Variants in ZNF292 observed in about 807,000 individuals in gnomAD.
ZNF292 encodes the protein 16 zinc-finger domain protein.
A neutral mutation model predicts 217.9 loss-of-function variants in ZNF292; 26 were observed. The ratio of observed to expected loss-of-function variants is 0.12; its 90% CI spans 0.09 to 0.17. ZNF292 has a LOEUF of 0.17. ZNF292 is among the 10% of genes least tolerant of loss of function. ZNF292 has a pLI of 1.00. For synonymous variants in ZNF292, 1,257 were observed against 1,124.1 expected, an observed-to-expected ratio of 1.12 and a Z score of -2.37; for missense variants, 2,904 against 3,175.2, an observed-to-expected ratio of 0.91 and a Z score of 2.05.
intron 1 of ZNF292, among the ~76,000 whole-genome samples, chr6:87,199,687 G>A (rs569369109): frequency 1.2e-4 from 18 of 152,190 alleles, no homozygotes; most frequent in Admixed American, 3.9e-4. Context: ...CATTTCCTGC[G>A]CTGAGAATGG....
chr6:87,185,964 A>T (rs1374698858), intron 1 of ZNF292, among the ~76,000 whole-genome samples: 2 of 152,146 alleles, frequency 1.3e-5, no homozygotes, highest in Non-Finnish European at 2.9e-5. Flanking sequence ...GAAATTCCTG[A>T]ACCTAGTCCT....
chr6:87,176,405 G>A (rs1771294293), intron 1 of ZNF292, among the ~76,000 whole-genome samples: 1 of 152,190 alleles, frequency 6.6e-6, no homozygotes, highest in Non-Finnish European at 1.5e-5. Context: ...TGTTTTCAGA[G>A]ATAAGGACAT....
chr6:87,191,929 T>C (rs1771832746), intron 1 of ZNF292, among the ~76,000 whole-genome samples: 1 of 152,202 alleles, frequency 6.6e-6, no homozygotes, highest in Non-Finnish European at 1.5e-5. Flanking sequence ...CCCAAAGTGC[T>C]GGGATTACAG....
intron 1 of ZNF292, among the ~76,000 whole-genome samples, chr6:87,210,553 G>A (rs1014066037): frequency 2.6e-5 from 4 of 151,748 alleles, no homozygotes; most frequent in African/African-American, 7.3e-5. Context: ...AGGCTGAAGC[G>A]GGCGGATCAC....
At chr6:87,239,133 C>G (rs1309883906) in intron 5 of ZNF292, among the ~76,000 whole-genome samples, 11 of 152,404 alleles carry the variant, frequency 7.2e-5, no homozygotes, top group Admixed American at 1.3e-4. Flanking sequence ...CCCACATTTC[C>G]CCCTTTTCTA....
chr6:87,166,177 TC>T (rs1279092302), intron 1 of ZNF292, among the ~76,000 whole-genome samples: 1 of 152,222 alleles, frequency 6.6e-6, no homozygotes, highest in Non-Finnish European at 1.5e-5. Flanking sequence ...CATTGCGCTC[TC>T]CCTCCATTGT....
At chr6:87,244,115 G>T (rs1418731691) in intron 6 of ZNF292, among the ~76,000 whole-genome samples, 1 of 152,142 alleles carries the variant, frequency 6.6e-6, no homozygotes, top group African/African-American at 2.4e-5. Flanking sequence ...CTTCAGTGTT[G>T]TGTTGATATT....
intron 1 of ZNF292, among the ~76,000 whole-genome samples, chr6:87,190,234 A>G (rs1439030835): frequency 6.6e-6 from 1 of 152,212 alleles, no homozygotes; most frequent in Admixed American, 6.5e-5. Context: ...AATACCACGT[A>G]ATAACTAACA....
chr6:87,259,281 G>A lies in ZNF292; in HGVS notation c.5652G>A (p.Gln1884=), dbSNP rs751621852. 1 of 1,613,592 alleles carries A rather than the reference G, an allele frequency of 6.2e-7. No homozygotes were observed. The highest frequency in any genetic ancestry group is 8.5e-7 in the Non-Finnish European group (1 of 1,179,670). The change falls in exon 8 of 8, where the codon CAG becomes CAA. Residue 1884 remains glutamine (Q), a synonymous_variant. Coordinates refer to ENST00000369577, the MANE Select transcript of ZNF292 (RefSeq NM_015021.3). ...VKSTADITVI[Q]PVSEMINIQF... is the part of the protein sequence containing the mutation. Reference sequence around the variant, plus strand: ...CAACTGCAGATATCACAGTTATTCAGCCAGTTTCTGAAATGATAAACATTC... The same window carrying A: ...CAACTGCAGATATCACAGTTATTCAACCAGTTTCTGAAATGATAAACATTC...
In ZNF292 at chr6:87,255,405, TAAAC is replaced by T. The variant is rs1775154195; in HGVS notation, c.1779_1782del (p.Lys593AsnfsTer7). 6.2e-7 allele frequency: 1 copy of T among 1,613,700 alleles called. No individual in the cohort carries two copies. Among genetic ancestry groups the T allele is most frequent in the African/African-American group, 1.3e-5 (1 of 74,942 alleles). ...TTGTCCCTCATGTCACACTGCATGT[TAAAC>T]AATCTAGTAAAGAGAGACTAGCAGC... On this transcript the variant is annotated frameshift_variant, in exon 8 of 8. Coordinates refer to ENST00000369577, the MANE Select transcript of ZNF292 (RefSeq NM_015021.3). LOFTEE classifies it high-confidence loss of function.
chr6:87,258,860 T>C lies in ZNF292; in HGVS notation c.5231T>C (p.Leu1744Ser), dbSNP rs1383842014. The change falls in exon 8 of 8, where the codon TTG becomes TCG. Residue 1744 changes from leucine to serine, a missense_variant. Physicochemically the swap from Leu to Ser is moderately radical, Grantham distance 145 (BLOSUM62 -2). This residue lies in a region of ZNF292 where 622 missense variants were observed against 573.1 expected (regional missense o/e 1.09). Coordinates refer to ENST00000369577, the MANE Select transcript of ZNF292 (RefSeq NM_015021.3). ...NSCTTSINSD[L>S]QISEDNVIQN... ...TGCACAACTTCAATAAATTCTGATT[T>C]GCAGATTTCTGAAGACAATGTTATA... The C allele has an allele frequency of 6.2e-6, 10 of 1,609,484 alleles. No homozygotes were observed. Among genetic ancestry groups the C allele is most frequent in the Non-Finnish European group, 7.6e-6 (9 of 1,177,452 alleles).
intron 1 of ZNF292, among the ~76,000 whole-genome samples, chr6:87,192,809 G>A (rs1771857184): frequency 1.3e-5 from 2 of 151,892 alleles, no homozygotes; most frequent in Non-Finnish European, 1.5e-5. Context: ...ACTTTTTTGT[G>A]AGATCTTGAC....
chr6:87,244,962 C>T (rs1250063008), intron 6 of ZNF292, among the ~76,000 whole-genome samples: 1 of 152,020 alleles, frequency 6.6e-6, no homozygotes, highest in African/African-American at 2.4e-5. Flanking sequence ...AAATGCTGGC[C>T]GGGCACAGTG....
rs571096307 is a variant in ZNF292 at position 87,232,715 on chromosome 6, A to G, written c.539-610A>G. The stretch of plus-strand genomic sequence containing the variant: ...TTTTAAAAATAACGACATAAAACCC[A>G]CAGAAGTTTTATCCTTTGGCGAAGT... On this transcript the variant is annotated intron_variant, in intron 4 of 7. Transcript: ENST00000369577. Among the ~76,000 whole-genome samples the G allele has an allele frequency of 2.7e-3, 417 of 152,170 alleles. 4 individuals are homozygous for G. The highest frequency in any genetic ancestry group is 8.3e-3 in the African/African-American group (343 of 41,528).
At position 87,265,900 on chromosome 6, in the gene ZNF292, A is replaced by T. The variant is rs1054146379; in HGVS notation, c.*4099A>T. Among the ~76,000 whole-genome samples the T allele has an allele frequency of 6.6e-6, 1 of 152,186 alleles. No homozygotes were observed. ...AGTAATGCTCATTGAATTTCAAGTA[A>T]TTGTGATTAAACGTTGATTAAAATC... On this transcript the variant is annotated 3_prime_UTR_variant, in exon 8 of 8. Coordinates refer to ENST00000369577, the MANE Select transcript of ZNF292 (RefSeq NM_015021.3).
At chr6:87,158,918 A>G (rs1770631839) in intron 1 of ZNF292, among the ~76,000 whole-genome samples, 3 of 152,246 alleles carry the variant, frequency 2.0e-5, no homozygotes, top group Admixed American at 2.0e-4. Context: ...AAGAAGGCAA[A>G]GATGAATAAA....
intron 5 of ZNF292, among the ~76,000 whole-genome samples, chr6:87,239,721 G>A (rs1452818723): frequency 2.9e-5 from 4 of 137,576 alleles, no homozygotes; most frequent in Admixed American, 7.2e-5. Context: ...ACGGGGTCGC[G>A]GCTGGGCAGA....
intron 5 of ZNF292, among the ~76,000 whole-genome samples, chr6:87,242,719 G>T (rs1470938995): frequency 6.6e-6 from 1 of 152,124 alleles, no homozygotes; most frequent in Non-Finnish European, 1.5e-5. Context: ...GCAGATGCTT[G>T]TAGCAATCAC....
chr6:87,164,766 T>C (rs941886627), intron 1 of ZNF292, among the ~76,000 whole-genome samples: 99 of 143,750 alleles, frequency 6.9e-4, no homozygotes, highest in Non-Finnish European at 1.2e-3. Flanking sequence ...TGACCTCTTT[T>C]TTTTTTTTTT....
Sources: allele counts gnomAD v4.1 joint callset (sites outside exome capture counted in the v4.1 genomes callset), GRCh38; gene constraint gnomAD v4.1.1; regional missense constraint gnomAD v4.1.1; transcripts MANE v1.5; gene names NCBI Gene and HGNC (gene_info 2026-07-23, HGNC 2026-07-21).